Variants in DTNA observed in about 807,000 individuals in gnomAD.
DTNA encodes dystrophin-related protein 3.
In DTNA, 43 loss-of-function variants were observed where a neutral mutation model predicts 100.7. That is an observed-to-expected ratio of 0.43 (90% CI 0.33 to 0.55). DTNA has a LOEUF of 0.55. Ranked by LOEUF, DTNA falls within the 20% of genes least tolerant of loss-of-function variation. The probability of loss-of-function intolerance (pLI) is 0.04; values close to 1 mark genes in which losing one functional copy is unlikely to be tolerated. For missense variants in DTNA, 798 were observed against 953.9 expected (o/e 0.84, Z 2.15); for synonymous variants, 349 against 347.9 (o/e 1.00, Z -0.04).
At chr18:34,728,654 C>T (rs2087329467) in intron 1 of DTNA, among the ~76,000 whole-genome samples, 2 of 152,056 alleles carry the variant, frequency 1.3e-5, no homozygotes, top group Non-Finnish European at 1.5e-5. Context: ...ATCCAGAGGC[C>T]CAAAGGGCAT....
At chr18:34,693,876 G>C (rs2080140003) in intron 1 of DTNA, among the ~76,000 whole-genome samples, 1 of 151,604 alleles carries the variant, frequency 6.6e-6, no homozygotes. Flanking sequence ...GCTAAAAAAG[G>C]CAACTAAAGT....
At chr18:34,645,122 A>G (rs1478377234) in intron 1 of DTNA, among the ~76,000 whole-genome samples, 1 of 152,102 alleles carries the variant, frequency 6.6e-6, no homozygotes, top group Non-Finnish European at 1.5e-5. Flanking sequence ...GCTTTTCAAC[A>G]TAATGTAGTT....
chr18:34,756,428 G>A (rs1170155755), intron 2 of DTNA, among the ~76,000 whole-genome samples: 3 of 152,150 alleles, frequency 2.0e-5, no homozygotes. Context: ...GTAGGCACTA[G>A]ATAAAATTTT....
chr18:34,812,174 A>C, intron 6 of DTNA, 61 bp downstream of exon 6: 1 of 1,607,710 alleles, frequency 6.2e-7, no homozygotes, highest in Non-Finnish European at 8.5e-7. Flanking sequence ...CTCCTTCTAG[A>C]TGTCATTCCA....
At chr18:34,707,133 C>T (rs2082217738), upstream of DTNA, among the ~76,000 whole-genome samples, 2 of 152,142 alleles carry the variant, frequency 1.3e-5, no homozygotes, top group Admixed American at 1.3e-4. Flanking sequence ...AAGCGCGTGA[C>T]TTCTGAGCCC....
intron 1 of DTNA, chr18:34,493,886 C>A (rs988833092): frequency 6.8e-6 from 1 of 147,964 alleles, no homozygotes; most frequent in African/African-American, 2.4e-5. Flanking sequence ...CCGCGGCTAG[C>A]GCGAAGCATG....
chr18:34,703,776 C>T (rs2081730066), intron 1 of DTNA, among the ~76,000 whole-genome samples: 1 of 152,142 alleles, frequency 6.6e-6, no homozygotes, highest in Non-Finnish European at 1.5e-5. Context: ...TTTATTCATT[C>T]CAATAATGGA....
At chr18:34,684,907 A>T (rs559692351) in intron 1 of DTNA, among the ~76,000 whole-genome samples, 1 of 152,104 alleles carries the variant, frequency 6.6e-6, no homozygotes, top group African/African-American at 2.4e-5. Context: ...AGTGATGATG[A>T]GCTTCTTTTC....
At chr18:34,768,767 A>G (rs1376654982) in intron 3 of DTNA, among the ~76,000 whole-genome samples, 1 of 152,190 alleles carries the variant, frequency 6.6e-6, no homozygotes, top group Non-Finnish European at 1.5e-5. Flanking sequence ...TGTGTTTGAC[A>G]TTGTGCTAGG....
chr18:34,642,645 G>A (rs555901517), intron 1 of DTNA, among the ~76,000 whole-genome samples: 4 of 151,806 alleles, frequency 2.6e-5, no homozygotes, highest in Non-Finnish European at 5.9e-5. Flanking sequence ...TGCGACCTCC[G>A]ACTCCCTGGT....
At chr18:34,850,060 G>T (rs950998747) in intron 14 of DTNA, among the ~76,000 whole-genome samples, 4 of 152,136 alleles carry the variant, frequency 2.6e-5, no homozygotes, top group African/African-American at 9.7e-5. Flanking sequence ...TCCATCATAG[G>T]AAAGATACCG....
chr18:34,553,632 A>C (rs2045697982), intron 1 of DTNA, among the ~76,000 whole-genome samples: 2 of 152,116 alleles, frequency 1.3e-5, no homozygotes, highest in Non-Finnish European at 2.9e-5. Context: ...TTTATTAAAT[A>C]GGGAATCCTT....
chr18:34,590,079 C>A (rs950368361), intron 1 of DTNA, among the ~76,000 whole-genome samples: 5 of 152,118 alleles, frequency 3.3e-5, no homozygotes, highest in Admixed American at 3.3e-4. Flanking sequence ...AGTACAGATA[C>A]CTTTAGGAGT....
intron 20 of DTNA, among the ~76,000 whole-genome samples, chr18:34,880,469 C>A (rs1200040368): frequency 6.6e-6 from 1 of 152,150 alleles, no homozygotes; most frequent in Non-Finnish European, 1.5e-5. Flanking sequence ...CATTAAATGA[C>A]CATGGTTCAT....
chr18:34,807,567 TCCCTGGAGATGCTCC>T (rs2095392493), intron 5 of DTNA, among the ~76,000 whole-genome samples: 1 of 152,096 alleles, frequency 6.6e-6, no homozygotes, highest in Non-Finnish European at 1.5e-5. Flanking sequence ...CTTTGAAATT[TCCCTGGAGATGCTCC>T]AGGGATGAGT....
chr18:34,645,628 A>G (rs957666038), intron 1 of DTNA, among the ~76,000 whole-genome samples: 8 of 152,172 alleles, frequency 5.3e-5, no homozygotes, highest in African/African-American at 1.9e-4. Context: ...CTACACTCAC[A>G]GGTGGATGAA....
intron 9 of DTNA, among the ~76,000 whole-genome samples, chr18:34,824,372 A>G (rs2149492805): frequency 6.6e-6 from 1 of 152,192 alleles, no homozygotes; most frequent in East Asian, 1.9e-4. Flanking sequence ...GCTACTCGGG[A>G]TGCTGAGGCA....
chr18:34,591,489 G>A (rs1357618277), intron 1 of DTNA, among the ~76,000 whole-genome samples: 1 of 152,182 alleles, frequency 6.6e-6, no homozygotes, highest in African/African-American at 2.4e-5. Flanking sequence ...GAGGTGAACA[G>A]AGCAGCTGAA....
At chr18:34,513,041 A>G (rs189000391) in intron 1 of DTNA, among the ~76,000 whole-genome samples, 223 of 152,202 alleles carry the variant, frequency 1.5e-3, no homozygotes, top group African/African-American at 5.2e-3. Flanking sequence ...ATAGTTGCCT[A>G]GGATTGATGG....
Sources: allele counts gnomAD v4.1 joint callset (sites outside exome capture counted in the v4.1 genomes callset), GRCh38; gene constraint gnomAD v4.1.1; transcripts MANE v1.5; gene names NCBI Gene and HGNC (gene_info 2026-07-23, HGNC 2026-07-21).